Variants in SHF observed in about 807,000 individuals in gnomAD.
SHF encodes the protein SH2 domain-containing adapter protein F.
Under a neutral mutation model 42.4 loss-of-function variants are expected in SHF, and 30 were observed. The ratio of observed to expected loss-of-function variants is 0.71; its 90% CI spans 0.53 to 0.96. The LOEUF is 0.96. Among genes scored for constraint, SHF ranks in the 40% least tolerant of loss-of-function variants. The pLI, the probability that SHF is intolerant of heterozygous loss-of-function variation, is 0.00. For missense variants in SHF, 598 were observed against 634.0 expected (o/e 0.94, Z 0.61); for synonymous variants, 264 against 269.9 (o/e 0.98, Z 0.21).
At chr15:45,174,809 T>C (rs1423952529) in intron 3 of SHF, among the ~76,000 whole-genome samples, 1 of 152,210 alleles carries the variant, frequency 6.6e-6, no homozygotes, top group Non-Finnish European at 1.5e-5. Context: ...GGCAGAGCCC[T>C]AGAATTCAGG....
chr15:45,192,623 G>A (rs937438251), upstream of SHF, among the ~76,000 whole-genome samples: 1 of 151,882 alleles, frequency 6.6e-6, no homozygotes, highest in Non-Finnish European at 1.5e-5. Flanking sequence ...CACCTTCCTC[G>A]GCCTCCCAAA....
intron 2 of SHF, among the ~76,000 whole-genome samples, chr15:45,193,912 A>G (rs943605490): frequency 3.3e-5 from 5 of 151,610 alleles, no homozygotes; most frequent in African/African-American, 1.2e-4. Context: ...CAGCCTAGGT[A>G]ACATGGCGAA....
upstream of SHF, among the ~76,000 whole-genome samples, chr15:45,188,402 A>G (rs1180406002): frequency 6.6e-6 from 1 of 152,156 alleles, no homozygotes; most frequent in Non-Finnish European, 1.5e-5. Context: ...CTAGGAGGAA[A>G]ATCTAGGCGG....
intron 2 of SHF, among the ~76,000 whole-genome samples, chr15:45,197,281 G>A (rs1703386338): frequency 6.8e-6 from 1 of 148,070 alleles, no homozygotes; most frequent in South Asian, 2.1e-4. Context: ...AGCAAACCTG[G>A]CCATGTCACT....
chr15:45,195,431 A>AT (rs1303790421), intron 2 of SHF, among the ~76,000 whole-genome samples: 3 of 151,808 alleles, frequency 2.0e-5, no homozygotes, highest in Admixed American at 1.3e-4. Flanking sequence ...ATTTTGTCTC[A>AT]TTTTTTTTCC....
chr15:45,168,062 C>G lies in SHF; in HGVS notation c.1352G>C (p.Ser451Thr), dbSNP rs1324867644. ...TTCAGGGACGCTGCTGAAGGGCGGG[C>G]TGTTCTGGCCCAGCACATATTTGTG... ...KEHKYVLGQN[S>T]PPFSSVPEIV... The change falls in exon 7 of 7, where the codon AGC becomes ACC. Residue 451 changes from serine (S) to threonine (T), a missense_variant. Transcript: ENST00000690270. 1 of 1,613,268 alleles carries G rather than the reference C, an allele frequency of 6.2e-7. No homozygotes were observed. Among genetic ancestry groups the G allele is most frequent in the South Asian group, 1.1e-5 (1 of 90,846 alleles).
exon 1 of SHF, chr15:45,200,808 A>G (rs926192096): frequency 4.4e-6 from 2 of 456,156 alleles, no homozygotes; most frequent in Non-Finnish European, 8.8e-6. Flanking sequence ...AGTCCCAGCC[A>G]AAGTCGTTCA....
chr15:45,187,483 TC>T lies in SHF; in HGVS notation c.468del (p.Ile157SerfsTer11). The T allele has an allele frequency of 8.1e-7, 1 of 1,232,452 alleles. No individual in the cohort carries two copies. The highest frequency in any genetic ancestry group is 1.0e-6 in the Non-Finnish European group (1 of 988,140). 76.3% of individuals were successfully genotyped at this position (1,232,452 alleles called of 1,614,324 possible). ...TCGCTGCTGGCGGGGGGTCCGGAGA[TC>T]CGCTCATCAGCAGGCGGCGCCGGGG... ...PGPPAPPADE[R>X]ISGPPASSDR... On this transcript the variant is annotated frameshift_variant, in exon 1 of 7. Coordinates refer to ENST00000690270, the MANE Select transcript of SHF (RefSeq NM_001394037.1). LOFTEE classifies it high-confidence loss of function.
chr15:45,175,081 G>A (rs888641247), intron 3 of SHF, 138 bp downstream of exon 3: 15 of 936,474 alleles, frequency 1.6e-5, no homozygotes, highest in African/African-American at 5.0e-5. Context: ...ACCCCCTATG[G>A]TACAGAACTC....
chr15:45,199,179 C>G, intron 1 of SHF: 2 of 1,281,736 alleles, frequency 1.6e-6, no homozygotes, highest in African/African-American at 3.1e-5. Context: ...ATGTTCCCAA[C>G]ACCCACTTCC....
upstream of SHF, among the ~76,000 whole-genome samples, chr15:45,191,953 G>A (rs997248610): frequency 6.7e-6 from 1 of 150,052 alleles, no homozygotes; most frequent in Non-Finnish European, 1.5e-5. Flanking sequence ...AAAAGTAAGT[G>A]TGGTGTAAAC....
intron 3 of SHF, chr15:45,174,384 C>T (rs1897684788): frequency 6.4e-6 from 1 of 155,106 alleles, no homozygotes. Context: ...ATAAACGGCC[C>T]ATCCTCAATG....
At chr15:45,176,164 C>G (rs1897798072) in intron 2 of SHF, among the ~76,000 whole-genome samples, 1 of 152,024 alleles carries the variant, frequency 6.6e-6, no homozygotes, top group Non-Finnish European at 1.5e-5. Context: ...TCTTTGCTGC[C>G]CAGACACTGT....
chr15:45,197,667 C>T (rs1213024019), intron 2 of SHF, among the ~76,000 whole-genome samples: 1 of 152,168 alleles, frequency 6.6e-6, no homozygotes, highest in Non-Finnish European at 1.5e-5. Context: ...GTTTCCCCAT[C>T]TCCCCAGCCT....
At position 45,172,206 on chromosome 15, in the gene SHF, C is replaced by T; in HGVS notation, c.1101G>A (p.Met367Ile). ...GNPKSAKPLS[M>I]EPSSPLGEWT... ...ACTCCCCCAGGGGGCTGCTGGGCTC[C>T]ATGCTTAGGGGTTTGGCTGACTTGG... The change falls in exon 5 of 7, where the codon ATG (methionine) becomes ATA (isoleucine). Residue 367 changes from methionine to isoleucine, a missense_variant. By Grantham distance (10) the Met-to-Ile change is conservative. Transcript: ENST00000690270. 6.2e-7 allele frequency: 1 copy of T among 1,613,920 alleles called. No homozygotes were observed. The highest frequency in any genetic ancestry group is 1.1e-5 in the South Asian group (1 of 91,080).
chr15:45,175,794 A>ATCAT (rs2141361181), intron 2 of SHF, among the ~76,000 whole-genome samples: 1 of 150,330 alleles, frequency 6.7e-6, no homozygotes, highest in African/African-American at 2.4e-5. Context: ...CCCAAATGAT[A>ATCAT]TCATTCCTTT....
exon 2 of SHF, chr15:45,199,017 C>T (rs1401136818): frequency 6.2e-7 from 1 of 1,609,256 alleles, no homozygotes; most frequent in South Asian, 1.1e-5. Flanking sequence ...TGCCGCGAAC[C>T]CTCCAGGGTT....
intron 1 of SHF, 120 bp downstream of exon 1, chr15:45,187,334 C>T: frequency 4.0e-6 from 4 of 1,005,736 alleles, no homozygotes; most frequent in Non-Finnish European, 5.1e-6. Flanking sequence ...GTCAGGGGCT[C>T]GCGTCTGCCA....
chr15:45,168,482 C>T (rs1468967134), intron 6 of SHF, among the ~76,000 whole-genome samples: 1 of 152,204 alleles, frequency 6.6e-6, no homozygotes, highest in Non-Finnish European at 1.5e-5. Flanking sequence ...CCTCTGTGGC[C>T]AGGGCCAGTT....
Sources: allele counts gnomAD v4.1 joint callset (sites outside exome capture counted in the v4.1 genomes callset), GRCh38; gene constraint gnomAD v4.1.1; transcripts MANE v1.5; gene names NCBI Gene and HGNC (gene_info 2026-07-23, HGNC 2026-07-21).